The following LRRC1 variants were observed in gnomAD, a reference collection of about 807,000 sequenced individuals.
LRRC1 encodes leucine rich repeat containing 1.
In LRRC1, 28 loss-of-function variants were observed where a neutral mutation model predicts 69.9. That is an observed-to-expected ratio of 0.40 (90% CI 0.30 to 0.55). LRRC1 has a LOEUF of 0.55. LRRC1 is among the 20% of genes least tolerant of loss of function. The probability of loss-of-function intolerance (pLI) is 0.47; values close to 1 mark genes in which losing one functional copy is unlikely to be tolerated. For missense variants in LRRC1, 498 were observed against 609.0 expected (o/e 0.82, Z 1.92); for synonymous variants, 236 against 240.2 (o/e 0.98, Z 0.16).
chr6:53,796,165 G>A (rs1457585388), intron 1 of LRRC1, among the ~76,000 whole-genome samples: 1 of 152,258 alleles, frequency 6.6e-6, no homozygotes, highest in African/African-American at 2.4e-5. Flanking sequence ...TCCCGGAGCG[G>A]GCACAGTCGT....
Position 53,923,756 on chromosome 6 carries a change from G to A in LRRC1, c.*963G>A, listed in dbSNP as rs1768806674. 6.6e-6 allele frequency: 1 copy of A among 152,556 alleles called. No homozygotes were observed. Among genetic ancestry groups the A allele is most frequent in the Non-Finnish European group, 1.5e-5 (1 of 68,024 alleles). The allele number at this position is 152,556 out of a possible 1,614,324, so 9.5% of individuals were successfully genotyped here. On this transcript the variant is annotated 3_prime_UTR_variant, in exon 14 of 14. Transcript: ENST00000370888. Reference sequence around the variant, plus strand: ...GAACACTGGTTCAGACATTCAGTGGGCAAGTAAATTATGGACTGCAAAATA... The same window carrying A: ...GAACACTGGTTCAGACATTCAGTGGACAAGTAAATTATGGACTGCAAAATA...
rs112450984 is a variant in LRRC1 at position 53,876,367 on chromosome 6, C to T, written c.278-2626C>T. Among the ~76,000 whole-genome samples the T allele has an allele frequency of 8.6e-3, 1,307 of 152,244 alleles. 15 individuals carry two copies. The highest frequency in any genetic ancestry group is 0.029 in the African/African-American group (1,196 of 41,536). ...AGATTTGGATGGGGACACAGCCAAA[C>T]CATATCATTCTGCCCCTGGCCCCTC... On this transcript the variant is annotated intron_variant, in intron 2 of 13. Coordinates refer to ENST00000370888, the MANE Select transcript of LRRC1 (RefSeq NM_018214.5).
rs1478135634 is a variant in LRRC1 at position 53,920,425 on chromosome 6, C to T, written c.1280-200C>T. ...ATTAAAAAAGAAGGGGCAACCTTGT[C>T]CCAGGCCTTTTTCTTTTTGTTTTTG... On this transcript the variant is annotated intron_variant, in intron 12 of 13. Transcript: ENST00000370888. The T allele has an allele frequency of 1.2e-5, 6 of 519,594 alleles. No individual in the cohort carries two copies. In the East Asian group the frequency reaches 1.5e-4, roughly 13 times the overall value. 32.2% of individuals were successfully genotyped at this position (519,594 alleles called of 1,614,324 possible). A position where few individuals can be genotyped will look rare whatever the true frequency, so the allele number is the denominator to read the frequency against.
At chr6:53,811,005 G>A (rs1581845335) in intron 1 of LRRC1, among the ~76,000 whole-genome samples, 1 of 152,220 alleles carries the variant, frequency 6.6e-6, no homozygotes, top group East Asian at 1.9e-4. Context: ...CTTATCATCA[G>A]GGACTTACTT....
chr6:53,888,773 G>A (rs1373939610), intron 4 of LRRC1, among the ~76,000 whole-genome samples: 1 of 152,092 alleles, frequency 6.6e-6, no homozygotes, highest in Non-Finnish European at 1.5e-5. Flanking sequence ...AGAAAACAGG[G>A]GTAAATCTTT....
intron 10 of LRRC1, among the ~76,000 whole-genome samples, chr6:53,908,548 AT>A (rs1386925147): frequency 6.6e-6 from 1 of 152,342 alleles, no homozygotes; most frequent in Non-Finnish European, 1.5e-5. Context: ...GAATATAAAA[AT>A]ATTAGATAAA....
chr6:53,820,805 A>G (rs975547931), intron 1 of LRRC1, among the ~76,000 whole-genome samples: 1 of 152,146 alleles, frequency 6.6e-6, no homozygotes, highest in Non-Finnish European at 1.5e-5. Flanking sequence ...TGAAGTGTAC[A>G]TGTAGTAAAA....
chr6:53,851,733 A>C (rs569083665), intron 2 of LRRC1, among the ~76,000 whole-genome samples: 1 of 152,302 alleles, frequency 6.6e-6, no homozygotes, highest in South Asian at 2.1e-4. Context: ...ACACACACAT[A>C]CACACACAAA....
At chr6:53,808,196 G>A (rs1312809768) in intron 1 of LRRC1, among the ~76,000 whole-genome samples, 3 of 152,240 alleles carry the variant, frequency 2.0e-5, no homozygotes, top group Non-Finnish European at 4.4e-5. Context: ...AGAGGTTCTA[G>A]TGAAGTGCTG....
intron 2 of LRRC1, among the ~76,000 whole-genome samples, chr6:53,865,273 A>G (rs1473521206): frequency 6.6e-6 from 1 of 152,152 alleles, no homozygotes; most frequent in Non-Finnish European, 1.5e-5. Context: ...ATCAGTACAG[A>G]TGTTAATAGT....
In LRRC1 at chr6:53,904,787, C is replaced by A. The variant is rs76103771; in HGVS notation, c.990+325C>A. On this transcript the variant is annotated intron_variant, in intron 10 of 13. Transcript: ENST00000370888. ...GGGAGTTTGACAGAGGAAGTGGATGCCTTTGGGTTTGATTTTTGAATTTAA... is the reference window on the plus strand; with the variant it reads ...GGGAGTTTGACAGAGGAAGTGGATGACTTTGGGTTTGATTTTTGAATTTAA... The A allele has an allele frequency of 3.4e-3, 562 of 166,256 alleles. 7 individuals are homozygous for A. In the East Asian group the frequency reaches 0.037, roughly 11 times the overall value. The allele number at this position is 166,256 out of a possible 1,614,324, so 10.3% of individuals were successfully genotyped here.
chr6:53,857,944 TAATG>T, intron 2 of LRRC1, among the ~76,000 whole-genome samples: 1 of 152,292 alleles, frequency 6.6e-6, no homozygotes, highest in East Asian at 1.9e-4. Flanking sequence ...ATGATATAAT[TAATG>T]GAGGAATTTC....
At chr6:53,838,074 C>G (rs999097765) in intron 1 of LRRC1, among the ~76,000 whole-genome samples, 5 of 152,186 alleles carry the variant, frequency 3.3e-5, no homozygotes, top group Admixed American at 6.5e-5. Flanking sequence ...TGGCTGATCT[C>G]AAAGGCAAGG....
chr6:53,816,079 C>T (rs944553915), intron 1 of LRRC1, among the ~76,000 whole-genome samples: 4 of 152,138 alleles, frequency 2.6e-5, no homozygotes, highest in East Asian at 1.9e-4. Context: ...ACTTTTATAA[C>T]GTGAGCTCTT....
intron 1 of LRRC1, among the ~76,000 whole-genome samples, chr6:53,839,806 T>C (rs1247750157): frequency 6.6e-6 from 1 of 152,206 alleles, no homozygotes. Context: ...ATATTTTCCC[T>C]GGAATTAATA....
intron 8 of LRRC1, among the ~76,000 whole-genome samples, chr6:53,901,618 A>C (rs1164310108): frequency 6.6e-6 from 1 of 152,006 alleles, no homozygotes; most frequent in African/African-American, 2.4e-5. Flanking sequence ...GTACCTTGTC[A>C]CTAGAAGTAT....
intron 1 of LRRC1, among the ~76,000 whole-genome samples, chr6:53,831,320 C>T (rs1192638457): frequency 1.3e-5 from 2 of 152,082 alleles, no homozygotes; most frequent in African/African-American, 4.8e-5. Context: ...GTTTGGAATC[C>T]TGTGGGATTT....
chr6:53,919,706 C>A, intron 12 of LRRC1, 36 bp downstream of exon 12: 1 of 1,583,120 alleles, frequency 6.3e-7, no homozygotes, highest in Non-Finnish European at 8.6e-7. Context: ...CACAGGGCCA[C>A]GAGATTGAGT....
At chr6:53,912,159 G>A (rs1768432986) in intron 10 of LRRC1, among the ~76,000 whole-genome samples, 1 of 152,166 alleles carries the variant, frequency 6.6e-6, no homozygotes, top group Middle Eastern at 3.2e-3. Flanking sequence ...TACTATACTT[G>A]CCAAGTACCT....
Sources: gnomAD v4.1 joint callset for allele counts (sites outside exome capture counted in the v4.1 genomes callset) on GRCh38, gnomAD v4.1.1 for gene constraint, MANE v1.5 for transcripts, NCBI Gene and HGNC (gene_info 2026-07-23, HGNC 2026-07-21) for gene names.